Variants in SUGCT observed in about 807,000 individuals in gnomAD.
The protein encoded by SUGCT is succinyl-CoA:glutarate CoA-transferase.
SUGCT carries 41 observed loss-of-function variants against 55.0 expected under a neutral mutation model. The ratio of observed to expected loss-of-function variants is 0.74; its 90% CI spans 0.58 to 0.97. The LOEUF (loss-of-function observed/expected upper bound fraction) is 0.97, where lower values mean the gene tolerates loss of function less well. Among genes scored for constraint, SUGCT ranks in the 50% least tolerant of loss-of-function variants. SUGCT has a pLI of 0.00. For missense variants in SUGCT, 568 were observed against 547.8 expected, an observed-to-expected ratio of 1.04 and a Z score of -0.37; for synonymous variants, 187 against 200.4, an observed-to-expected ratio of 0.93 and a Z score of 0.56.
chr7:40,305,715 G>A (rs1794817308), intron 8 of SUGCT, among the ~76,000 whole-genome samples: 1 of 152,010 alleles, frequency 6.6e-6, no homozygotes, highest in African/African-American at 2.4e-5. Flanking sequence ...AGGCTGGAGT[G>A]CAGTGGCATG....
the SUGCT span, among the ~76,000 whole-genome samples, chr7:40,915,928 C>A: frequency 2.6e-5 from 4 of 152,192 alleles, no homozygotes; most frequent in Non-Finnish European, 4.4e-5. Context: ...CTTGTGAGAA[C>A]TGCACATCAC....
chr7:40,509,663 CT>C (rs1263128564), intron 12 of SUGCT, among the ~76,000 whole-genome samples: 1 of 152,024 alleles, frequency 6.6e-6, no homozygotes, highest in Non-Finnish European at 1.5e-5. Context: ...TGGGCTTTTT[CT>C]TTCCGTCTGC....
intron 1 of SUGCT, among the ~76,000 whole-genome samples, chr7:40,138,446 G>A (rs555233003): frequency 4.2e-4 from 64 of 152,228 alleles, no homozygotes; most frequent in African/African-American, 1.0e-3. Flanking sequence ...GAATAGTGCC[G>A]TGATAAACAT....
intron 13 of SUGCT, among the ~76,000 whole-genome samples, chr7:40,839,136 T>C (rs774505104): frequency 6.6e-6 from 1 of 152,230 alleles, no homozygotes; most frequent in Non-Finnish European, 1.5e-5. Flanking sequence ...ACTTCTTTTT[T>C]ATACATTACT....
At chr7:40,230,515 A>G (rs1788658607) in intron 6 of SUGCT, among the ~76,000 whole-genome samples, 2 of 152,240 alleles carry the variant, frequency 1.3e-5, no homozygotes, top group African/African-American at 4.8e-5. Flanking sequence ...GGAAGTGGTA[A>G]GCAGGCTATC....
the SUGCT span, among the ~76,000 whole-genome samples, chr7:41,027,232 C>T: frequency 2.6e-5 from 4 of 152,220 alleles, no homozygotes; most frequent in East Asian, 5.8e-4. Context: ...CCTGCATCCA[C>T]GCCTTCCAAG....
the SUGCT span, among the ~76,000 whole-genome samples, chr7:40,912,535 G>T: frequency 6.6e-6 from 1 of 152,010 alleles, no homozygotes; most frequent in Non-Finnish European, 1.5e-5. Context: ...TTTTGTTTTG[G>T]TCGACAGTTG....
At chr7:40,442,520 T>G (rs560620840) in intron 9 of SUGCT, among the ~76,000 whole-genome samples, 5 of 152,164 alleles carry the variant, frequency 3.3e-5, no homozygotes, top group Non-Finnish European at 7.4e-5. Flanking sequence ...TTCCCCAATT[T>G]TCTACAGTGA....
intron 8 of SUGCT, among the ~76,000 whole-genome samples, chr7:40,295,202 A>AT (rs965719802): frequency 1.1e-3 from 169 of 150,546 alleles, no homozygotes; most frequent in Middle Eastern, 3.5e-3. Flanking sequence ...TAATAAGTAA[A>AT]TTTTTTTTTT....
chr7:40,741,259 G>A (rs754308012), intron 12 of SUGCT, among the ~76,000 whole-genome samples: 1 of 150,868 alleles, frequency 6.6e-6, no homozygotes, highest in Non-Finnish European at 1.5e-5. Flanking sequence ...GTGATAAAGT[G>A]AGACTCTGTC....
rs112015201 is a variant in SUGCT at position 40,283,880 on chromosome 7, G to A, written c.720+9224G>A. On this transcript the variant is annotated intron_variant, in intron 8 of 13. Transcript: ENST00000335693. ...AATAAATATATGCATTTTCATGTTC[G>A]CTGCAGCATTGGAATCAATCTAAAT... Among the ~76,000 whole-genome samples the A allele has an allele frequency of 1.6e-3, 239 of 152,146 alleles. 4 individuals are homozygous for A. The highest frequency in any genetic ancestry group is 5.4e-3 in the African/African-American group (223 of 41,498).
At chr7:40,941,393 T>C in the SUGCT span, among the ~76,000 whole-genome samples, 3 of 152,070 alleles carry the variant, frequency 2.0e-5, no homozygotes, top group South Asian at 4.1e-4. Context: ...TTGAGGGTCC[T>C]TTTTGGAGTT....
At chr7:40,975,265 G>A in the SUGCT span, among the ~76,000 whole-genome samples, 20 of 152,246 alleles carry the variant, frequency 1.3e-4, no homozygotes, top group South Asian at 1.7e-3. Context: ...GTTTGGAAGC[G>A]GAAATCTCAA....
chr7:40,335,264 G>GT (rs1466783456), intron 9 of SUGCT, among the ~76,000 whole-genome samples: 10 of 150,278 alleles, frequency 6.7e-5, no homozygotes, highest in Middle Eastern at 3.4e-3. Context: ...ATGAACTTTA[G>GT]TTTTTTCCAA....
the SUGCT span, among the ~76,000 whole-genome samples, chr7:40,890,363 A>ATT: frequency 7.0e-6 from 1 of 143,362 alleles, no homozygotes; most frequent in South Asian, 2.1e-4. Flanking sequence ...ATTTATAATA[A>ATT]TATAAATATA....
At chr7:40,183,338 C>G (rs957868481) in intron 3 of SUGCT, among the ~76,000 whole-genome samples, 6 of 152,072 alleles carry the variant, frequency 3.9e-5, no homozygotes, top group African/African-American at 1.2e-4. Flanking sequence ...TTTTCTATTC[C>G]TTTTTGTTTT....
intron 12 of SUGCT, among the ~76,000 whole-genome samples, chr7:40,673,344 C>T (rs2151874155): frequency 6.6e-6 from 1 of 152,274 alleles, no homozygotes; most frequent in South Asian, 2.1e-4. Context: ...TCTAATGCTG[C>T]TCTGTGCTAA....
chr7:40,239,674 A>G (rs1444269371), intron 7 of SUGCT, among the ~76,000 whole-genome samples: 2 of 152,236 alleles, frequency 1.3e-5, no homozygotes, highest in Non-Finnish European at 2.9e-5. Context: ...CACACAGTAT[A>G]TGCTCAACCT....
intron 12 of SUGCT, among the ~76,000 whole-genome samples, chr7:40,617,260 A>G (rs976214680): frequency 6.6e-6 from 1 of 152,204 alleles, no homozygotes; most frequent in African/African-American, 2.4e-5. Context: ...TTAGATGATC[A>G]AGGTTAGATA....
Sources: allele counts gnomAD v4.1 joint callset (sites outside exome capture counted in the v4.1 genomes callset), GRCh38; gene constraint gnomAD v4.1.1; transcripts MANE v1.5; gene names NCBI Gene and HGNC (gene_info 2026-07-23, HGNC 2026-07-21).